The following CSMD1 variants were observed in gnomAD, a reference collection of about 807,000 sequenced individuals.
CSMD1 encodes the protein CUB and Sushi multiple domains 1.
A neutral mutation model predicts 417.5 loss-of-function variants in CSMD1; 213 were observed. The observed-to-expected ratio is 0.51, with a 90% CI of 0.46 to 0.57. CSMD1 has a LOEUF of 0.57. Ranked by LOEUF, CSMD1 falls within the 20% of genes least tolerant of loss-of-function variation. The probability of loss-of-function intolerance (pLI) is 0.00; values close to 1 mark genes in which losing one functional copy is unlikely to be tolerated. For missense variants in CSMD1, 6,923 were observed against 4,529.7 expected, an observed-to-expected ratio of 1.53 and a Z score of -15.17; for synonymous variants, 2,862 against 1,736.8, an observed-to-expected ratio of 1.65 and a Z score of -16.11.
intron 1 of CSMD1, among the ~76,000 whole-genome samples, chr8:4,830,243 A>G (rs1800071917): frequency 6.6e-6 from 1 of 152,212 alleles, no homozygotes; most frequent in Non-Finnish European, 1.5e-5. Context: ...ACCCTATGCC[A>G]CAACACCCAA....
intron 2 of CSMD1, among the ~76,000 whole-genome samples, chr8:4,535,657 C>T (rs1423719639): frequency 6.6e-6 from 1 of 152,082 alleles, no homozygotes; most frequent in Non-Finnish European, 1.5e-5. Context: ...TTGCCAAAGA[C>T]CTTGATTCAG....
chr8:4,129,668 T>G (rs1802978245), intron 3 of CSMD1, among the ~76,000 whole-genome samples: 2 of 152,200 alleles, frequency 1.3e-5, no homozygotes, highest in African/African-American at 4.8e-5. Context: ...CCCAATGTTC[T>G]GAAATCACCT....
intron 17 of CSMD1, among the ~76,000 whole-genome samples, chr8:3,388,002 T>G (rs1811117177): frequency 6.6e-6 from 1 of 152,242 alleles, no homozygotes; most frequent in African/African-American, 2.4e-5. Flanking sequence ...AGTCTAAGAC[T>G]TTTCCTGTTT....
At chr8:4,152,073 G>T (rs544887164) in intron 3 of CSMD1, among the ~76,000 whole-genome samples, 1 of 151,942 alleles carries the variant, frequency 6.6e-6, no homozygotes, top group African/African-American at 2.4e-5. Context: ...CCTTTATTAA[G>T]AACTTTCCCA....
At chr8:4,991,926 C>T (rs1034653996) in intron 1 of CSMD1, among the ~76,000 whole-genome samples, 3 of 152,164 alleles carry the variant, frequency 2.0e-5, no homozygotes, top group Non-Finnish European at 4.4e-5. Flanking sequence ...GGACCCACTG[C>T]CTCGTGGGCC....
chr8:3,955,968 T>G (rs1811916689), intron 5 of CSMD1, among the ~76,000 whole-genome samples: 1 of 152,194 alleles, frequency 6.6e-6, no homozygotes, highest in Non-Finnish European at 1.5e-5. Context: ...TAATTGTTTG[T>G]ATTTTTAGTA....
At chr8:3,744,143 C>T (rs368652766) in intron 6 of CSMD1, among the ~76,000 whole-genome samples, 41 of 152,258 alleles carry the variant, frequency 2.7e-4, no homozygotes, top group African/African-American at 7.5e-4. Context: ...AGACTTGTCT[C>T]GTCACTTTTC....
intron 13 of CSMD1, 88 bp from the exon 14 acceptor site, chr8:3,408,313 C>T: frequency 1.1e-6 from 1 of 950,464 alleles, no homozygotes; most frequent in Non-Finnish European, 1.6e-6. Flanking sequence ...CCTGGAAAGG[C>T]AATTCATGCC....
At chr8:4,934,132 A>G (rs1807443081) in intron 1 of CSMD1, among the ~76,000 whole-genome samples, 1 of 152,096 alleles carries the variant, frequency 6.6e-6, no homozygotes, top group South Asian at 2.1e-4. Flanking sequence ...TTGACAAGGA[A>G]CTCCTGGCCC....
At chr8:4,516,369 G>C (rs1471378726) in intron 2 of CSMD1, among the ~76,000 whole-genome samples, 1 of 152,122 alleles carries the variant, frequency 6.6e-6, no homozygotes, top group Admixed American at 6.5e-5. Flanking sequence ...CCAGTTTGTG[G>C]TACTTTATCA....
intron 1 of CSMD1, among the ~76,000 whole-genome samples, chr8:4,687,322 T>C (rs1431824267): frequency 1.3e-5 from 2 of 152,098 alleles, no homozygotes; most frequent in African/African-American, 2.4e-5. Context: ...GACAGATGCA[T>C]AGATGGAGAA....
Position 4,976,137 on chromosome 8 carries a change from C to T in CSMD1, c.85+18195G>A, listed in dbSNP as rs114424744. On this transcript the variant is annotated intron_variant, in intron 1 of 69. Transcript: ENST00000635120. ...GATAAATATGGACATAAGGGAAGAA[C>T]AGACACTGGAGAATCCTAGAGGGAG... Among the ~76,000 whole-genome samples the T allele has an allele frequency of 6.8e-4, 104 of 152,248 alleles. 1 individual carries two copies. The East Asian group carries it at 0.013, about 19-fold the overall frequency.
intron 5 of CSMD1, among the ~76,000 whole-genome samples, chr8:3,908,303 G>A (rs917759593): frequency 1.3e-5 from 2 of 152,128 alleles, no homozygotes; most frequent in African/African-American, 2.4e-5. Context: ...CATATATCAT[G>A]AAAGGAAATG....
chr8:3,714,561 C>CAAAGAAAAAAAAAA (rs1801718147), intron 6 of CSMD1, among the ~76,000 whole-genome samples: 1 of 70,554 alleles, frequency 1.4e-5, no homozygotes, highest in African/African-American at 5.5e-5. Context: ...ATCTCTATCC[C>CAAAGAAAAAAAAAA]AAAAAAAAAA....
chr8:3,929,975 T>C (rs1025794749), intron 5 of CSMD1, among the ~76,000 whole-genome samples: 1 of 150,382 alleles, frequency 6.6e-6, no homozygotes, highest in Non-Finnish European at 1.5e-5. Flanking sequence ...CCTATATGAT[T>C]AAATTTTTAA....
Position 3,977,927 on chromosome 8 carries a change from G to A in CSMD1, c.818+19976C>T, listed in dbSNP as rs76214566. 1.2e-4 allele frequency among the ~76,000 whole-genome samples: 18 copies of A among 152,206 alleles called. 1 individual carries two copies. The East Asian group carries it at 3.5e-3, about 29-fold the overall frequency. ...CCTCCAATTTCATGTCAGCCACATC[G>A]TGCCATGGAGAGGTCATGTGCACGG... On this transcript the variant is annotated intron_variant, in intron 5 of 69. Transcript: ENST00000635120.
intron 2 of CSMD1, among the ~76,000 whole-genome samples, chr8:4,457,856 G>C (rs966078956): frequency 6.6e-6 from 1 of 152,024 alleles, no homozygotes; most frequent in African/African-American, 2.4e-5. Flanking sequence ...CCGAGGCTTG[G>C]CACCTCCCCT....
chr8:4,582,552 A>T (rs1396828952), intron 2 of CSMD1, among the ~76,000 whole-genome samples: 2 of 152,170 alleles, frequency 1.3e-5, no homozygotes, highest in Admixed American at 6.5e-5. Context: ...AGGAAGGAAG[A>T]CAGTCTCTAG....
chr8:3,965,434 G>C (rs765077240), intron 5 of CSMD1, among the ~76,000 whole-genome samples: 1 of 152,120 alleles, frequency 6.6e-6, no homozygotes, highest in Non-Finnish European at 1.5e-5. Context: ...TTCGGAAAAA[G>C]GGTAGAATGT....
Sources: allele counts gnomAD v4.1 joint callset (sites outside exome capture counted in the v4.1 genomes callset), GRCh38; gene constraint gnomAD v4.1.1; transcripts MANE v1.5; gene names NCBI Gene and HGNC (gene_info 2026-07-23, HGNC 2026-07-21).